Variants in INTS1 observed in about 807,000 individuals in gnomAD.
The protein encoded by INTS1 is integrator complex subunit 1.
Under a neutral mutation model 241.6 loss-of-function variants are expected in INTS1, and 137 were observed. The observed-to-expected ratio is 0.57, with a 90% CI of 0.49 to 0.65. INTS1 has a LOEUF of 0.65. Among genes scored for constraint, INTS1 ranks in the 30% least tolerant of loss-of-function variants. The pLI is 0.00. For synonymous variants in INTS1, 1,692 were observed against 1,337.8 expected (o/e 1.26, Z -5.78); for missense variants, 3,073 against 3,032.2 (o/e 1.01, Z -0.32).
rs572299774 is a variant in INTS1, at chr7:1,499,444, C to A, written c.844+29G>T. ...TCCCCTGCCCTGGGGCTTGGACACCCGCCCTCTCTGGCTGGCCGTGTGTCT... is the reference window on the plus strand; with the variant it reads ...TCCCCTGCCCTGGGGCTTGGACACCAGCCCTCTCTGGCTGGCCGTGTGTCT... On this transcript the variant is annotated intron_variant, in intron 6 of 47. Coordinates refer to ENST00000404767, the MANE Select transcript of INTS1 (RefSeq NM_001080453.3). The A allele has an allele frequency of 3.8e-6, 6 of 1,574,798 alleles. No homozygotes were observed. The Admixed American group carries it at 5.2e-5, about 14-fold the overall frequency.
chr7:1,483,660 G>T, intron 26 of INTS1, 82 bp downstream of exon 26: 1 of 1,057,536 alleles, frequency 9.5e-7, no homozygotes, highest in Non-Finnish European at 1.4e-6. Flanking sequence ...AGCAAGGCAA[G>T]GATGCGGAAG....
At position 1,470,764 on chromosome 7, in the gene INTS1, C is replaced by T. The variant is rs1350102484; in HGVS notation, c.6458-72G>A. The T allele has an allele frequency of 2.7e-6, 4 of 1,470,484 alleles. No homozygotes were observed. The African/African-American group carries it at 5.7e-5, about 21-fold the overall frequency. The allele number at this position is 1,470,484 out of a possible 1,614,324, so 91.1% of individuals were successfully genotyped here. ...TGGCCGCAGTGACCAGACCTCGGGA[C>T]TCCCAAGAGCCAGCCCTCGGGGGAC... On this transcript the variant is annotated intron_variant, in intron 47 of 47. Transcript: ENST00000404767.
intron 22 of INTS1, 53 bp downstream of exon 22, chr7:1,486,572 T>C: frequency 6.4e-7 from 1 of 1,568,058 alleles, no homozygotes; most frequent in Non-Finnish European, 8.7e-7. Context: ...GTCCCCAGCC[T>C]ACTCATTTTA....
intron 26 of INTS1, 151 bp downstream of exon 26, chr7:1,483,591 C>A: frequency 1.4e-6 from 1 of 693,020 alleles, no homozygotes; most frequent in Non-Finnish European, 2.6e-6. Flanking sequence ...ACTGCAGCCT[C>A]CTCTTTAGGA....
In INTS1 at chr7:1,487,353, G is replaced by C. The variant is rs763739279; in HGVS notation, c.2613C>G (p.Asn871Lys). Reference sequence around the variant, plus strand: ...GGATGATGTGGAGGAGAAAGTCAGGGTTTCGGCTGCGGCACAAGAGGTGCC... The same window carrying C: ...GGATGATGTGGAGGAGAAAGTCAGGCTTTCGGCTGCGGCACAAGAGGTGCC... ...RLGHLLCRSR[N>K]PDFLLHIIQR... The change falls in exon 20 of 48, where the codon AAC (asparagine) becomes AAG (lysine). Residue 871 changes from asparagine (N) to lysine (K), a missense_variant. By Grantham distance (94) the Asn-to-Lys change is moderately conservative. Transcript: ENST00000404767. 9.3e-6 allele frequency: 15 copies of C among 1,606,872 alleles called. No individual in the cohort carries two copies. Among genetic ancestry groups the C allele is most frequent in the Non-Finnish European group, 1.3e-5 (15 of 1,177,138 alleles).
chr7:1,489,785 C>T, intron 16 of INTS1, 103 bp from the exon 17 acceptor site: 2 of 785,992 alleles, frequency 2.5e-6, no homozygotes, highest in South Asian at 3.7e-5. Flanking sequence ...GTGCTGGCTC[C>T]CAGCTCCTCC....
chr7:1,478,874 T>G lies in INTS1; in HGVS notation c.4341A>C (p.Pro1447=). 6.2e-7 allele frequency: 1 copy of G among 1,608,362 alleles called. No homozygotes were observed. The highest frequency in any genetic ancestry group is 1.1e-5 in the South Asian group (1 of 90,786). Residue 1447 remains proline, a synonymous_variant, in exon 32 of 48, where the codon CCA becomes CCC. Coordinates refer to ENST00000404767, the MANE Select transcript of INTS1 (RefSeq NM_001080453.3). ...AGAGCGAGGAGAAGCCGGTGTCCTG[T>G]GGCACACAGCGCTGCGGGGACAAAG... ...RQLCQYQRCV[P]QDTGFSSLFL...
At position 1,494,772 on chromosome 7, in the gene INTS1, C is replaced by T. The variant is rs752295651; in HGVS notation, c.1910+44G>A. The T allele has an allele frequency of 2.6e-5, 40 of 1,539,908 alleles. No homozygotes were observed. The East Asian group carries it at 5.2e-4, about 20-fold the overall frequency. On this transcript the variant is annotated intron_variant, in intron 14 of 47. Coordinates refer to ENST00000404767, the MANE Select transcript of INTS1 (RefSeq NM_001080453.3). ...CAGCCGGCCCGGCACCCCGCAGCCC[C>T]GCCCAGCCCGGCACACAGGAGCCCC...
rs868371114 is a variant in INTS1, at chr7:1,470,469, C to T, written c.*108G>A. 2 of 864,864 alleles carry T rather than the reference C, an allele frequency of 2.3e-6. No individual in the cohort carries two copies. The highest frequency in any genetic ancestry group is 3.4e-6 in the Non-Finnish European group (2 of 590,104). 53.6% of individuals were successfully genotyped at this position (864,864 alleles called of 1,614,324 possible). On this transcript the variant is annotated 3_prime_UTR_variant, in exon 48 of 48. Coordinates refer to ENST00000404767, the MANE Select transcript of INTS1 (RefSeq NM_001080453.3). The stretch of plus-strand genomic sequence containing the variant: ...CTGCCTGGCCTCAGGGCTCGGCGCC[C>T]TCACCTCCTCGGACAGACCAGCAAC...
intron 31 of INTS1, 63 bp downstream of exon 31, chr7:1,479,367 C>A: frequency 6.6e-7 from 1 of 1,507,646 alleles, no homozygotes. Flanking sequence ...ACACCCGGGC[C>A]GTCCTGCGGG....
chr7:1,487,279 C>T, intron 20 of INTS1, 41 bp downstream of exon 20: 1 of 1,559,084 alleles, frequency 6.4e-7, no homozygotes, highest in Non-Finnish European at 8.7e-7. Context: ...TCCGGGCCTC[C>T]CAAGACCACC....
chr7:1,473,716 T>C (rs758471848), intron 41 of INTS1, 23 bp from the exon 42 acceptor site: 33 of 1,611,948 alleles, frequency 2.0e-5, no homozygotes, highest in Non-Finnish European at 2.8e-5. Flanking sequence ...AGCGGCACCC[T>C]CGAGCTGCTC....
chr7:1,503,385 C>G (rs999723729), intron 2 of INTS1, among the ~76,000 whole-genome samples, 194 bp from the exon 3 acceptor site: 2 of 152,206 alleles, frequency 1.3e-5, no homozygotes, highest in Non-Finnish European at 1.5e-5. Context: ...TGGACAGTCA[C>G]GTAGCGCTAA....
At chr7:1,479,811 G>GC in intron 30 of INTS1, 127 bp from the exon 31 acceptor site, 1 of 1,083,150 alleles carries the variant, frequency 9.2e-7, no homozygotes, top group Non-Finnish European at 1.3e-6. Flanking sequence ...TTCATTCGTA[G>GC]CCCCCACCTT....
chr7:1,472,677 C>T (rs779140924), intron 43 of INTS1, among the ~76,000 whole-genome samples: 5 of 152,220 alleles, frequency 3.3e-5, no homozygotes, highest in Non-Finnish European at 5.9e-5. Flanking sequence ...GCTCTTCCGG[C>T]GGCACAGGAG....
At chr7:1,483,282 C>G (rs10280897) in intron 26 of INTS1, 11,794 of 251,376 alleles carry the variant, frequency 0.047, 1,296 homozygotes, top group African/African-American at 0.24. Context: ...GCAGAGGGCA[C>G]GGCTGGGTAG....
intron 2 of INTS1, 36 bp from the exon 3 acceptor site, chr7:1,503,227 G>A (rs200452907): frequency 1.3e-6 from 2 of 1,511,862 alleles, no homozygotes; most frequent in African/African-American, 2.8e-5. Context: ...GGGCACATTT[G>A]CAACACCCAA....
At chr7:1,492,810 T>C (rs1017406649) in intron 16 of INTS1, among the ~76,000 whole-genome samples, 200 bp downstream of exon 16, 2 of 147,844 alleles carry the variant, frequency 1.4e-5, no homozygotes, top group Non-Finnish European at 3.0e-5. Context: ...AGCAGGCCCA[T>C]GGGGAGTGGG....
rs370450469 is a variant in INTS1, at chr7:1,474,768, C to T, written c.5573G>A (p.Arg1858Gln). 132 of 1,573,724 alleles carry T rather than the reference C, an allele frequency of 8.4e-5. No individual in the cohort carries two copies. The highest frequency in any genetic ancestry group is 1.0e-4 in the Non-Finnish European group (118 of 1,162,040). Residue 1858 changes from arginine (R) to glutamine (Q), a missense_variant, in exon 40 of 48, where the codon CGA becomes CAA. Transcript: ENST00000404767. The stretch of plus-strand genomic sequence containing the variant: ...GCAGGCCATGCTGGCATCCGCCCCT[C>T]GGTTCTCCAACGCCCGGGAGTCGCT... Reference protein sequence around the residue: ...DTSDSRALENRGADASMACRK... With the variant: ...DTSDSRALENQGADASMACRK...
Sources: allele counts gnomAD v4.1 joint callset (sites outside exome capture counted in the v4.1 genomes callset), GRCh38; gene constraint gnomAD v4.1.1; transcripts MANE v1.5; gene names NCBI Gene and HGNC (gene_info 2026-07-23, HGNC 2026-07-21).